ANAPC10: variants seen among roughly 807,000 people sequenced by gnomAD.
The protein encoded by ANAPC10 is anaphase-promoting complex subunit 10.
ANAPC10 carries 12 observed loss-of-function variants against 22.0 expected under a neutral mutation model. The observed-to-expected ratio is 0.55, with a 90% CI of 0.35 to 0.88. The LOEUF is 0.88. ANAPC10 is among the 40% of genes least tolerant of loss of function. The pLI is 0.01. For synonymous variants in ANAPC10, 65 were observed against 69.5 expected (o/e 0.94, Z 0.32); for missense variants, 188 against 220.9 (o/e 0.85, Z 0.94).
chr4:145,058,925 A>C (rs1293453058), intron 4 of ANAPC10, among the ~76,000 whole-genome samples: 1 of 152,170 alleles, frequency 6.6e-6, no homozygotes, highest in Non-Finnish European at 1.5e-5. Flanking sequence ...TGTGTATCAC[A>C]CCAAAACATT....
In ANAPC10 at chr4:145,057,556, C is replaced by A. The variant is rs137922878; in HGVS notation, c.327+7016G>T. Among the ~76,000 whole-genome samples the A allele has an allele frequency of 4.2e-3, 644 of 152,200 alleles. 7 individuals are homozygous for A. Among genetic ancestry groups the A allele is most frequent in the African/African-American group, 0.015 (609 of 41,518 alleles). ...TTTCATATCTAAGCTTCTATTTACA[C>A]ACTGATGATTCCAAAATCTGTATCT... On this transcript the variant is annotated intron_variant, in intron 4 of 4. Coordinates refer to ENST00000507656, the MANE Select transcript of ANAPC10 (RefSeq NM_001256706.2).
chr4:145,082,341 G>A lies in ANAPC10; in HGVS notation c.116-591C>T, dbSNP rs186469050. The stretch of plus-strand genomic sequence containing the variant: ...ATTTCATATTTTTAGTAGAGAAGGC[G>A]TTTCTCCATGTGGGTCAGGCCGGTC... On this transcript the variant is annotated intron_variant, in intron 2 of 4. Transcript: ENST00000507656. Among the ~76,000 whole-genome samples, 15 of 152,168 alleles carry A rather than the reference G, an allele frequency of 9.9e-5. No individual in the cohort carries two copies. In the South Asian group the frequency reaches 1.0e-3, roughly 11 times the overall value.
At chr4:145,093,140 ACCCT>A (rs1747945034) in intron 2 of ANAPC10, among the ~76,000 whole-genome samples, 2 of 152,190 alleles carry the variant, frequency 1.3e-5, no homozygotes, top group South Asian at 4.1e-4. Context: ...GGCAAGAGGC[ACCCT>A]CTGTAGCACA....
chr4:145,064,733 T>C (rs1743424877), intron 3 of ANAPC10, 41 bp from the exon 4 acceptor site: 2 of 1,451,958 alleles, frequency 1.4e-6, no homozygotes, highest in Non-Finnish European at 1.8e-6. Flanking sequence ...CTTCATCATA[T>C]GAAAAGATTT....
chr4:145,076,344 A>T (rs1745197381), intron 3 of ANAPC10, among the ~76,000 whole-genome samples: 2 of 152,188 alleles, frequency 1.3e-5, no homozygotes. Context: ...GAGCCTTGGT[A>T]CCCTGAAATC....
At chr4:145,017,446 C>T (rs963033152) in intron 4 of ANAPC10, among the ~76,000 whole-genome samples, 10 of 152,066 alleles carry the variant, frequency 6.6e-5, no homozygotes, top group South Asian at 4.1e-4. Context: ...GTTAGAATGG[C>T]GATCATTAAA....
chr4:144,995,378 T>C lies in ANAPC10; in HGVS notation c.553A>G (p.Arg185Gly), dbSNP rs767341110. The C allele has an allele frequency of 6.2e-7, 1 of 1,601,726 alleles. No individual in the cohort carries two copies. The highest frequency in any genetic ancestry group is 1.1e-5 in the South Asian group (1 of 90,048). ...ATTTTCGTCTCATTTTAAAGTCACC[T>C]TATTGAACGATACATCATGAAATCT... Reference protein sequence around the residue: ...TIDFMMYRSIR With the variant: ...TIDFMMYRSIG The change falls in exon 5 of 5, where the codon AGG becomes GGG. Residue 185 changes from arginine to glycine, a missense_variant. Arg to Gly is a moderately radical substitution (Grantham distance 125, BLOSUM62 -2). Transcript: ENST00000507656.
chr4:145,097,950 A>G (rs1230463407), intron 1 of ANAPC10, 170 bp downstream of exon 1: 2 of 200,748 alleles, frequency 1.0e-5, no homozygotes, highest in East Asian at 1.4e-4. Context: ...TCGGCACCAG[A>G]CTCTGTTGGT....
chr4:145,097,710 G>T (rs1200794190), intron 1 of ANAPC10: 2 of 382,602 alleles, frequency 5.2e-6, no homozygotes, highest in African/African-American at 4.2e-5. Context: ...TGAGATCTAG[G>T]GCGAGACTAT....
intron 4 of ANAPC10, among the ~76,000 whole-genome samples, chr4:145,059,193 T>C (rs774079962): frequency 1.3e-4 from 20 of 152,152 alleles, no homozygotes; most frequent in Admixed American, 7.9e-4. Context: ...AGAACTTTTG[T>C]CTGCATCTTC....
intron 2 of ANAPC10, among the ~76,000 whole-genome samples, chr4:145,095,443 A>G (rs1422955110): frequency 6.6e-6 from 1 of 152,188 alleles, no homozygotes; most frequent in Admixed American, 6.5e-5. Context: ...TGTGTATACT[A>G]CCTGACCGTT....
intron 3 of ANAPC10, among the ~76,000 whole-genome samples, chr4:145,078,696 A>C (rs1745534592): frequency 6.6e-6 from 1 of 152,226 alleles, no homozygotes; most frequent in Non-Finnish European, 1.5e-5. Flanking sequence ...CCAATGGAAC[A>C]GGTTAGAGAA....
chr4:145,015,662 G>A (rs1444610422), intron 4 of ANAPC10, among the ~76,000 whole-genome samples: 1 of 152,156 alleles, frequency 6.6e-6, no homozygotes, highest in East Asian at 1.9e-4. Flanking sequence ...TTAAGACAAA[G>A]GAAAGAATCT....
At chr4:145,094,185 A>C (rs1252380369) in intron 2 of ANAPC10, among the ~76,000 whole-genome samples, 2 of 152,222 alleles carry the variant, frequency 1.3e-5, no homozygotes, top group African/African-American at 4.8e-5. Context: ...TAAACTACAG[A>C]TATGTGCCCC....
intron 4 of ANAPC10, among the ~76,000 whole-genome samples, chr4:145,049,642 T>C (rs1263289925): frequency 6.6e-6 from 1 of 152,140 alleles, no homozygotes; most frequent in Non-Finnish European, 1.5e-5. Context: ...TGCAATGGCA[T>C]GATCATGGCT....
chr4:145,017,957 G>A (rs917766467), intron 4 of ANAPC10, among the ~76,000 whole-genome samples: 4 of 134,210 alleles, frequency 3.0e-5, no homozygotes, highest in South Asian at 2.5e-4. Context: ...ATCACACACC[G>A]GGGCCTGTTG....
intron 4 of ANAPC10, among the ~76,000 whole-genome samples, chr4:145,047,884 A>AG (rs1740556694): frequency 6.6e-6 from 1 of 152,134 alleles, no homozygotes; most frequent in Admixed American, 6.6e-5. Context: ...AGGCAGAAAG[A>AG]GATTTCTTCT....
chr4:145,056,209 G>C (rs1224778216), intron 4 of ANAPC10, among the ~76,000 whole-genome samples: 1 of 152,166 alleles, frequency 6.6e-6, no homozygotes, highest in African/African-American at 2.4e-5. Context: ...AATAAAACAG[G>C]CTGCAGTAAA....
intron 2 of ANAPC10, 53 bp from the exon 3 acceptor site, chr4:145,081,803 A>G (rs1269744143): frequency 1.7e-6 from 2 of 1,196,806 alleles, no homozygotes; most frequent in Middle Eastern, 1.9e-4. Context: ...ACAACTATAC[A>G]TGCAAAACAT....
Sources: gnomAD v4.1 joint callset for allele counts (sites outside exome capture counted in the v4.1 genomes callset) on GRCh38, gnomAD v4.1.1 for gene constraint, MANE v1.5 for transcripts, NCBI Gene and HGNC (gene_info 2026-07-23, HGNC 2026-07-21) for gene names.